CPLX4: variants seen among roughly 807,000 people sequenced by gnomAD.
CPLX4 encodes complexin 4.
Under a neutral mutation model 16.1 loss-of-function variants are expected in CPLX4, and 17 were observed. That is an observed-to-expected ratio of 1.06 (90% confidence interval 0.72 to 1.59). The LOEUF is 1.59. CPLX4 is among the 40% of genes most tolerant of loss of function. The pLI, the probability that CPLX4 is intolerant of heterozygous loss-of-function variation, is 0.00. For synonymous variants in CPLX4, 55 were observed against 57.8 expected (o/e 0.95, Z 0.22); for missense variants, 193 against 192.9 (o/e 1.00, Z 0.00).
At chr18:59,310,443 G>T (rs2070609191) in intron 2 of CPLX4, among the ~76,000 whole-genome samples, 1 of 152,132 alleles carries the variant, frequency 6.6e-6, no homozygotes, top group Non-Finnish European at 1.5e-5. Context: ...AAGCCTAAGG[G>T]TGTTCACCCC....
intron 2 of CPLX4, among the ~76,000 whole-genome samples, chr18:59,308,862 G>T (rs961325378): frequency 6.6e-6 from 1 of 152,208 alleles, no homozygotes; most frequent in Non-Finnish European, 1.5e-5. Context: ...CCAGAGCCTC[G>T]TCAGTGCGGG....
At chr18:59,316,566 A>T (rs1164561099) in intron 1 of CPLX4, among the ~76,000 whole-genome samples, 1 of 152,148 alleles carries the variant, frequency 6.6e-6, no homozygotes, top group Non-Finnish European at 1.5e-5. Context: ...ATCCCTCTTT[A>T]TCATAGGGAA....
chr18:59,296,795 T>A lies in CPLX4; in HGVS notation c.386A>T (p.Asn129Ile). ...GGTATCCAAGTCCATGTTCTGGAGA[T>A]TCTGTATCTGCCCAAGAATAGAATC... The part of the protein sequence containing the change: ...DKDSILGQIQ[N>I]LQNMDLDTIK... Residue 129 changes from asparagine to isoleucine, a missense_variant, in exon 3 of 3, where the codon AAT becomes ATT. Coordinates refer to ENST00000299721, the MANE Select transcript of CPLX4 (RefSeq NM_181654.4). The A allele has an allele frequency of 6.2e-7, 1 of 1,613,898 alleles. No homozygotes were observed. The highest frequency in any genetic ancestry group is 8.5e-7 in the Non-Finnish European group (1 of 1,180,000).
intron 2 of CPLX4, among the ~76,000 whole-genome samples, chr18:59,311,499 T>G (rs1268360372): frequency 6.6e-6 from 1 of 152,158 alleles, no homozygotes; most frequent in Non-Finnish European, 1.5e-5. Flanking sequence ...TGGGATCTGC[T>G]GGGGATCCAT....
Position 59,296,826 on chromosome 18 carries a change from C to A in CPLX4, c.355G>T (p.Asp119Tyr). ...ATCTGCCCAAGAATAGAATCTTTATCTTCTTCCTCTTCTTGATCTTCATCT... is the reference window on the plus strand; with the variant it reads ...ATCTGCCCAAGAATAGAATCTTTATATTCTTCCTCTTCTTGATCTTCATCT... Reference protein sequence around the residue: ...MVDEDQEEEEDKDSILGQIQN... With the variant: ...MVDEDQEEEEYKDSILGQIQN... The change falls in exon 3 of 3, where the codon GAT (aspartate) becomes TAT (tyrosine). Residue 119 changes from aspartate to tyrosine, a missense_variant. By Grantham distance (160) the Asp-to-Tyr change is radical. Coordinates refer to ENST00000299721, the MANE Select transcript of CPLX4 (RefSeq NM_181654.4). The A allele has an allele frequency of 6.2e-7, 1 of 1,613,854 alleles. No individual in the cohort carries two copies. The highest frequency in any genetic ancestry group is 8.5e-7 in the Non-Finnish European group (1 of 1,179,986).
intron 2 of CPLX4, among the ~76,000 whole-genome samples, chr18:59,301,284 ACC>A (rs1319270432): frequency 6.6e-6 from 1 of 152,172 alleles, no homozygotes; most frequent in Non-Finnish European, 1.5e-5. Flanking sequence ...CAGACTCTTC[ACC>A]CCGTGTGAAA....
Position 59,318,471 on chromosome 18 carries a change from C to T in CPLX4, c.-9G>A. 6.3e-7 allele frequency: 1 copy of T among 1,583,650 alleles called. No homozygotes were observed. The highest frequency in any genetic ancestry group is 8.6e-7 in the Non-Finnish European group (1 of 1,169,448). On this transcript the variant is annotated 5_prime_UTR_variant, in exon 1 of 3. Coordinates refer to ENST00000299721, the MANE Select transcript of CPLX4 (RefSeq NM_181654.4). The stretch of plus-strand genomic sequence containing the variant: ...TTCATAAGGAAAGCCATTTTCTCTG[C>T]CCCAGAAAAATAAAACCAAAATTCA...
At chr18:59,317,719 T>C (rs146306406) in intron 1 of CPLX4, among the ~76,000 whole-genome samples, 1 of 152,264 alleles carries the variant, frequency 6.6e-6, no homozygotes, top group Non-Finnish European at 1.5e-5. Context: ...TATTCTACTT[T>C]TCTGTATGTT....
chr18:59,309,918 T>C (rs1032998966), intron 2 of CPLX4, among the ~76,000 whole-genome samples: 1 of 151,902 alleles, frequency 6.6e-6, no homozygotes, highest in Non-Finnish European at 1.5e-5. Flanking sequence ...GTGAACAAGC[T>C]GCTCTTTTTC....
chr18:59,301,396 G>A (rs668992), intron 2 of CPLX4, among the ~76,000 whole-genome samples: 85,746 of 152,150 alleles, frequency 0.56, 24,922 homozygotes, highest in African/African-American at 0.72. Context: ...GGGTGTACTC[G>A]ATGGCTGTGG....
chr18:59,317,117 G>A (rs983806691), intron 1 of CPLX4, among the ~76,000 whole-genome samples: 3 of 152,082 alleles, frequency 2.0e-5, no homozygotes, highest in African/African-American at 7.2e-5. Context: ...TATAAGCCAT[G>A]ATTTCTTTCA....
At chr18:59,306,677 T>A (rs181712633) in intron 2 of CPLX4, among the ~76,000 whole-genome samples, 127 of 152,348 alleles carry the variant, frequency 8.3e-4, no homozygotes, top group Non-Finnish European at 1.5e-3. Flanking sequence ...AAAATACAGT[T>A]CTAATTCCAA....
chr18:59,306,412 CT>C (rs1460849764), intron 2 of CPLX4, among the ~76,000 whole-genome samples: 1 of 152,228 alleles, frequency 6.6e-6, no homozygotes, highest in Non-Finnish European at 1.5e-5. Flanking sequence ...CTGCAGATTA[CT>C]GCAATTTGAT....
intron 1 of CPLX4, among the ~76,000 whole-genome samples, chr18:59,316,688 G>A (rs551833755): frequency 7.2e-5 from 11 of 152,184 alleles, no homozygotes; most frequent in African/African-American, 2.6e-4. Flanking sequence ...TCAGTCTGCT[G>A]ATTGACTGTA....
intron 2 of CPLX4, among the ~76,000 whole-genome samples, chr18:59,308,127 G>A (rs2070590172): frequency 6.6e-6 from 1 of 152,008 alleles, no homozygotes; most frequent in Non-Finnish European, 1.5e-5. Context: ...TTTCCTCTGC[G>A]TAATCAGAGA....
At chr18:59,311,410 G>C (rs1289201766) in intron 2 of CPLX4, among the ~76,000 whole-genome samples, 2 of 152,062 alleles carry the variant, frequency 1.3e-5, no homozygotes, top group Admixed American at 6.6e-5. Context: ...TTAAGTCTTT[G>C]GTGATTTCAT....
intron 2 of CPLX4, among the ~76,000 whole-genome samples, chr18:59,308,836 C>A (rs779015487): frequency 1.3e-5 from 2 of 152,222 alleles, no homozygotes; most frequent in African/African-American, 4.8e-5. Context: ...CATGGGCCAT[C>A]GAAGGGTCCC....
chr18:59,310,183 T>C (rs1446170965), intron 2 of CPLX4, among the ~76,000 whole-genome samples: 1 of 152,078 alleles, frequency 6.6e-6, no homozygotes, highest in East Asian at 1.9e-4. Flanking sequence ...TGAAAGACAC[T>C]GGTGGGCTCT....
At chr18:59,317,727 G>A (rs1291514578) in intron 1 of CPLX4, among the ~76,000 whole-genome samples, 2 of 151,378 alleles carry the variant, frequency 1.3e-5, no homozygotes, top group Non-Finnish European at 1.5e-5. Context: ...TTTTCTGTAT[G>A]TTTAGAATTT....
Sources: allele counts gnomAD v4.1 joint callset (sites outside exome capture counted in the v4.1 genomes callset), GRCh38; gene constraint gnomAD v4.1.1; transcripts MANE v1.5; gene names NCBI Gene and HGNC (gene_info 2026-07-23, HGNC 2026-07-21).